PDE11A: variants seen among roughly 807,000 people sequenced by gnomAD.
PDE11A encodes the protein dual 3',5'-cyclic-AMP and -GMP phosphodiesterase 11A.
In PDE11A, 100 loss-of-function variants were observed where a neutral mutation model predicts 100.5. That is an observed-to-expected ratio of 1.00 (90% confidence interval 0.85 to 1.18). The LOEUF is 1.18. Among genes scored for constraint, PDE11A ranks in the 50% most tolerant of loss-of-function variants. The pLI is 0.00. For missense variants in PDE11A, 1,141 were observed against 1,152.6 expected, an observed-to-expected ratio of 0.99 and a Z score of 0.15; for synonymous variants, 381 against 420.8, an observed-to-expected ratio of 0.91 and a Z score of 1.16.
intron 10 of PDE11A, among the ~76,000 whole-genome samples, chr2:177,763,538 T>TG (rs1574117386): frequency 6.6e-6 from 1 of 152,302 alleles, no homozygotes; most frequent in East Asian, 1.9e-4. Flanking sequence ...TCCCCGGCTG[T>TG]GGAGGAGCCT....
At chr2:178,020,929 GTGTGTGT>G (rs1559044541) in intron 1 of PDE11A, among the ~76,000 whole-genome samples, 3 of 13,622 alleles carry the variant, frequency 2.2e-4, no homozygotes, top group Non-Finnish European at 3.8e-4. Context: ...GTCTTGGTGT[GTGTGTGT>G]GTGTGTGTGT....
At chr2:178,002,268 T>C (rs1393049006) in intron 2 of PDE11A, among the ~76,000 whole-genome samples, 1 of 152,236 alleles carries the variant, frequency 6.6e-6, no homozygotes, top group African/African-American at 2.4e-5. Flanking sequence ...TATGGCTGCA[T>C]AGTATTCCAT....
chr2:177,715,932 T>C (rs184587042), intron 12 of PDE11A, among the ~76,000 whole-genome samples: 3 of 152,186 alleles, frequency 2.0e-5, no homozygotes, highest in African/African-American at 7.2e-5. Context: ...GATTGCTGTG[T>C]CTTATCACGG....
chr2:177,794,765 T>C (rs1368679822), intron 9 of PDE11A, among the ~76,000 whole-genome samples: 1 of 144,462 alleles, frequency 6.9e-6, no homozygotes, highest in Non-Finnish European at 1.5e-5. Context: ...TGGTGTCTGG[T>C]TTTTGTTTGT....
At chr2:177,919,053 A>C (rs1001584700) in intron 2 of PDE11A, among the ~76,000 whole-genome samples, 1 of 152,116 alleles carries the variant, frequency 6.6e-6, no homozygotes, top group Non-Finnish European at 1.5e-5. Context: ...TAGATCCCTT[A>C]TGAAAACAGA....
At chr2:177,776,529 T>C (rs2082380003) in intron 9 of PDE11A, among the ~76,000 whole-genome samples, 1 of 152,102 alleles carries the variant, frequency 6.6e-6, no homozygotes, top group Admixed American at 6.6e-5. Flanking sequence ...ATGAGGGGAA[T>C]TGTGCCCCCC....
intron 2 of PDE11A, chr2:177,997,687 G>C: frequency 6.4e-7 from 1 of 1,553,264 alleles, no homozygotes; most frequent in East Asian, 2.2e-5. Flanking sequence ...CAGTTTGGCT[G>C]TTAAGAAATC....
At chr2:177,741,271 G>T (rs548183454) in intron 10 of PDE11A, among the ~76,000 whole-genome samples, 1 of 152,128 alleles carries the variant, frequency 6.6e-6, no homozygotes, top group South Asian at 2.1e-4. Flanking sequence ...GTGCTCACAC[G>T]GCCTTCTCTC....
chr2:178,058,707 A>T (rs2086929727), intron 1 of PDE11A, among the ~76,000 whole-genome samples: 1 of 152,202 alleles, frequency 6.6e-6, no homozygotes, highest in Non-Finnish European at 1.5e-5. Context: ...TGCCAAACAC[A>T]GGGAGTGCTA....
intron 17 of PDE11A, among the ~76,000 whole-genome samples, chr2:177,672,267 C>T (rs988691492): frequency 6.6e-6 from 1 of 152,206 alleles, no homozygotes; most frequent in Non-Finnish European, 1.5e-5. Context: ...AAATATGTCA[C>T]ACTGAAATTT....
intron 10 of PDE11A, among the ~76,000 whole-genome samples, chr2:177,759,576 A>G (rs6704720): frequency 0.07 from 10,652 of 152,128 alleles, 413 homozygotes; most frequent in Middle Eastern, 0.16. Context: ...GAGTGGGACT[A>G]CTCTTTTTCC....
At chr2:178,065,476 T>C (rs2087031080) in intron 1 of PDE11A, among the ~76,000 whole-genome samples, 1 of 152,228 alleles carries the variant, frequency 6.6e-6, no homozygotes, top group Non-Finnish European at 1.5e-5. Context: ...CTGTAGGAAC[T>C]GTGCCTTTCT....
intron 2 of PDE11A, among the ~76,000 whole-genome samples, chr2:177,973,027 T>A (rs2085792221): frequency 6.6e-6 from 1 of 152,106 alleles, no homozygotes; most frequent in African/African-American, 2.4e-5. Flanking sequence ...TGATAGCCCA[T>A]TAGATATATG....
intron 2 of PDE11A, among the ~76,000 whole-genome samples, chr2:178,013,996 T>C (rs1276405677): frequency 6.6e-6 from 1 of 152,164 alleles, no homozygotes; most frequent in East Asian, 1.9e-4. Context: ...TTAGGCCATG[T>C]GTGGTGGAGT....
At chr2:177,891,379 T>C (rs1314300561) in intron 4 of PDE11A, among the ~76,000 whole-genome samples, 1 of 152,174 alleles carries the variant, frequency 6.6e-6, no homozygotes, top group Non-Finnish European at 1.5e-5. Flanking sequence ...AGAAAGTCAA[T>C]TTTCTAATGC....
chr2:178,094,438 G>A (rs910115282), intron 2 of PDE11A, among the ~76,000 whole-genome samples: 15 of 152,226 alleles, frequency 9.9e-5, no homozygotes, highest in South Asian at 6.2e-4. Context: ...AGGCTGAGGC[G>A]GGATGATCAG....
chr2:177,777,601 T>C (rs2082396009), intron 9 of PDE11A, among the ~76,000 whole-genome samples: 1 of 152,188 alleles, frequency 6.6e-6, no homozygotes, highest in Admixed American at 6.5e-5. Flanking sequence ...GTATCTAGGT[T>C]CATCATACAT....
intron 2 of PDE11A, among the ~76,000 whole-genome samples, chr2:178,096,060 C>G (rs149097844): frequency 1.5e-3 from 228 of 152,274 alleles, no homozygotes; most frequent in Middle Eastern, 6.8e-3. Flanking sequence ...ACATTTTCCC[C>G]ATTGTCTTGG....
intron 9 of PDE11A, among the ~76,000 whole-genome samples, chr2:177,807,718 G>C (rs181532563): frequency 2.0e-5 from 3 of 152,266 alleles, no homozygotes; most frequent in East Asian, 1.9e-4. Context: ...GAGCCACCAG[G>C]CCTGGCAAAA....
Sources: gnomAD v4.1 joint callset for allele counts (sites outside exome capture counted in the v4.1 genomes callset) on GRCh38, gnomAD v4.1.1 for gene constraint, MANE v1.5 for transcripts, NCBI Gene and HGNC (gene_info 2026-07-23, HGNC 2026-07-21) for gene names.